The following PTPRM variants were observed in gnomAD, a reference collection of about 807,000 sequenced individuals.
PTPRM encodes protein tyrosine phosphatase receptor type M.
Under a neutral mutation model 186.7 loss-of-function variants are expected in PTPRM, and 47 were observed. That is an observed-to-expected ratio of 0.25 (90% CI 0.20 to 0.32). The LOEUF is 0.32. Ranked by LOEUF, PTPRM falls within the 10% of genes least tolerant of loss-of-function variation. The pLI, the probability that PTPRM is intolerant of heterozygous loss-of-function variation, is 1.00. For synonymous variants in PTPRM, 668 were observed against 674.9 expected (o/e 0.99, Z 0.16); for missense variants, 1,494 against 1,865.0 (o/e 0.80, Z 3.66).
chr18:7,640,258 C>G (rs2038414393), intron 1 of PTPRM, among the ~76,000 whole-genome samples: 1 of 152,122 alleles, frequency 6.6e-6, no homozygotes, highest in African/African-American at 2.4e-5. Flanking sequence ...CAGAAAGAAA[C>G]TTCCAGTGTC....
At position 7,589,357 on chromosome 18, in the gene PTPRM, A is replaced by G. The variant is rs566641838; in HGVS notation, c.73+21466A>G. Among the ~76,000 whole-genome samples, 5 of 152,298 alleles carry G rather than the reference A, an allele frequency of 3.3e-5. No homozygotes were observed. The East Asian group carries it at 7.7e-4, about 24-fold the overall frequency. ...AACAGCAAATGGGAAAGGAGAATCTACCTGATCCTAGCACAGAAACGGGTG... is the reference window on the plus strand; with the variant it reads ...AACAGCAAATGGGAAAGGAGAATCTGCCTGATCCTAGCACAGAAACGGGTG... On this transcript the variant is annotated intron_variant, in intron 1 of 32. Coordinates refer to ENST00000580170, the MANE Select transcript of PTPRM (RefSeq NM_001105244.2).
intron 10 of PTPRM, among the ~76,000 whole-genome samples, chr18:8,086,491 G>A (rs2090442056): frequency 6.6e-6 from 1 of 152,088 alleles, no homozygotes; most frequent in Admixed American, 6.6e-5. Context: ...ATCTGGTATG[G>A]GATATACAAC....
intron 20 of PTPRM, 102 bp downstream of exon 20, chr18:8,296,557 C>A: frequency 1.3e-6 from 1 of 771,992 alleles, no homozygotes; most frequent in Non-Finnish European, 2.2e-6. Context: ...GTGCAATTAC[C>A]TCCTTCATCC....
chr18:8,222,328 TCTCATTTTTCC>T (rs1330888646), intron 14 of PTPRM, among the ~76,000 whole-genome samples: 1 of 152,204 alleles, frequency 6.6e-6, no homozygotes, highest in East Asian at 1.9e-4. Context: ...AAAGTTTTTG[TCTCATTTTTCC>T]CTCCTATCTG....
intron 1 of PTPRM, among the ~76,000 whole-genome samples, chr18:7,718,683 C>T (rs2040389296): frequency 6.6e-6 from 1 of 152,070 alleles, no homozygotes. Context: ...GACTAATATC[C>T]AGAATCTACA....
chr18:7,857,393 A>C (rs2047147430), intron 2 of PTPRM, among the ~76,000 whole-genome samples: 1 of 152,188 alleles, frequency 6.6e-6, no homozygotes, highest in Non-Finnish European at 1.5e-5. Flanking sequence ...TAAAGTGCTA[A>C]CAGGTAACCT....
intron 14 of PTPRM, among the ~76,000 whole-genome samples, chr18:8,206,150 G>A (rs909478519): frequency 5.7e-4 from 87 of 152,216 alleles, no homozygotes; most frequent in Non-Finnish European, 1.3e-4. Context: ...GATGCACCAA[G>A]AAATGGCTAT....
At chr18:7,952,323 C>CT (rs1405710061) in intron 6 of PTPRM, among the ~76,000 whole-genome samples, 1 of 152,206 alleles carries the variant, frequency 6.6e-6, no homozygotes, top group Admixed American at 6.5e-5. Context: ...CATTTTATCA[C>CT]TTTGTACAGA....
chr18:7,841,287 T>C (rs2046308956), intron 2 of PTPRM, among the ~76,000 whole-genome samples: 1 of 130,326 alleles, frequency 7.7e-6, no homozygotes, highest in Admixed American at 7.4e-5. Context: ...ATTTCTTTTT[T>C]TTTTTTTTTT....
intron 14 of PTPRM, among the ~76,000 whole-genome samples, chr18:8,232,995 T>C (rs748567686): frequency 3.3e-5 from 5 of 152,142 alleles, no homozygotes; most frequent in African/African-American, 1.2e-4. Flanking sequence ...GAACAATGGG[T>C]ACTAGATGTC....
intron 1 of PTPRM, among the ~76,000 whole-genome samples, chr18:7,703,315 T>A (rs1337784134): frequency 1.3e-5 from 2 of 152,190 alleles, no homozygotes; most frequent in African/African-American, 4.8e-5. Context: ...GCATGGAATG[T>A]TTTTCCATTT....
At chr18:7,745,052 C>T (rs922203627) in intron 1 of PTPRM, among the ~76,000 whole-genome samples, 2 of 151,826 alleles carry the variant, frequency 1.3e-5, no homozygotes, top group African/African-American at 2.4e-5. Context: ...AATCCTTAGC[C>T]TTTTGTTAGC....
At chr18:8,024,487 A>G (rs1306539447) in intron 7 of PTPRM, among the ~76,000 whole-genome samples, 1 of 152,062 alleles carries the variant, frequency 6.6e-6, no homozygotes, top group African/African-American at 2.4e-5. Flanking sequence ...CATCTGAACA[A>G]AAGTGCTTTT....
chr18:7,791,930 A>G (rs913720119), intron 2 of PTPRM, among the ~76,000 whole-genome samples: 1 of 152,170 alleles, frequency 6.6e-6, no homozygotes, highest in Non-Finnish European at 1.5e-5. Flanking sequence ...TAAGCTTTAT[A>G]TTATTAAACC....
At position 8,161,394 on chromosome 18, in the gene PTPRM, CCA is replaced by C. The variant is rs926868318; in HGVS notation, c.2300+17616_2300+17617del. Reference sequence around the variant, plus strand: ...TTAAAATCATAACTGCCTAGGGGGGCCAGTAGAGTTGACCTGTGTATGGATGA... The same window carrying C: ...TTAAAATCATAACTGCCTAGGGGGGCGTAGAGTTGACCTGTGTATGGATGA... On this transcript the variant is annotated intron_variant, in intron 14 of 32. Coordinates refer to ENST00000580170, the MANE Select transcript of PTPRM (RefSeq NM_001105244.2). Among the ~76,000 whole-genome samples the C allele has an allele frequency of 4.6e-5, 7 of 152,072 alleles. No individual in the cohort carries two copies. In the South Asian group the frequency reaches 1.5e-3, roughly 32 times the overall value.
intron 14 of PTPRM, among the ~76,000 whole-genome samples, chr18:8,176,125 A>T (rs1218854099): frequency 6.6e-6 from 1 of 152,216 alleles, no homozygotes; most frequent in African/African-American, 2.4e-5. Context: ...TTATGAGCTT[A>T]TATTGTTAAT....
At chr18:7,613,185 C>T (rs1377507272) in intron 1 of PTPRM, among the ~76,000 whole-genome samples, 2 of 152,176 alleles carry the variant, frequency 1.3e-5, no homozygotes, top group East Asian at 3.9e-4. Context: ...AATTCAGATA[C>T]AACACCAAGC....
intron 14 of PTPRM, among the ~76,000 whole-genome samples, chr18:8,203,083 A>G (rs1256262905): frequency 2.6e-5 from 4 of 152,228 alleles, no homozygotes; most frequent in Non-Finnish European, 5.9e-5. Flanking sequence ...TATTTGTGCA[A>G]TTACTGAGTT....
intron 4 of PTPRM, among the ~76,000 whole-genome samples, chr18:7,908,342 G>T (rs151121813): frequency 0.013 from 1,976 of 152,176 alleles, 19 homozygotes; most frequent in South Asian, 0.033. Flanking sequence ...TATTTCATGG[G>T]TCTTTCCTGA....
Sources: allele counts gnomAD v4.1 joint callset (sites outside exome capture counted in the v4.1 genomes callset), GRCh38; gene constraint gnomAD v4.1.1; transcripts MANE v1.5; gene names NCBI Gene and HGNC (gene_info 2026-07-23, HGNC 2026-07-21).